Variants in PRKG2 observed in about 807,000 individuals in gnomAD.
PRKG2 encodes the protein protein kinase cGMP-dependent 2.
PRKG2 carries 33 observed loss-of-function variants against 97.2 expected under a neutral mutation model. The ratio of observed to expected loss-of-function variants is 0.34; its 90% CI spans 0.26 to 0.45. PRKG2 has a LOEUF of 0.45. Ranked by LOEUF, PRKG2 falls within the 20% of genes least tolerant of loss-of-function variation. The probability of loss-of-function intolerance (pLI) is 1.00; values close to 1 mark genes in which losing one functional copy is unlikely to be tolerated. For missense variants in PRKG2, 638 were observed against 900.0 expected, an observed-to-expected ratio of 0.71 and a Z score of 3.73; for synonymous variants, 330 against 321.8, an observed-to-expected ratio of 1.03 and a Z score of -0.27.
chr4:81,204,900 G>A lies in PRKG2; in HGVS notation c.148C>T (p.His50Tyr). 6.2e-7 allele frequency: 1 copy of A among 1,614,118 alleles called. No homozygotes were observed. Among genetic ancestry groups the A allele is most frequent in the Non-Finnish European group, 8.5e-7 (1 of 1,180,034 alleles). The part of the protein sequence containing the change: ...KDAEIQEREY[H>Y]LKELREQLSK... ...AGCTGCTCCCGCAGCTCCTTCAAATGGTACTCCCGCTCCTGGATCTCAGCA... is the reference window on the plus strand; with the variant it reads ...AGCTGCTCCCGCAGCTCCTTCAAATAGTACTCCCGCTCCTGGATCTCAGCA... The change falls in exon 2 of 19, where the codon CAT (histidine) becomes TAT (tyrosine). Residue 50 changes from histidine to tyrosine, a missense_variant. His to Tyr is a moderately conservative substitution (Grantham distance 83, BLOSUM62 2). Coordinates refer to ENST00000264399, the MANE Select transcript of PRKG2 (RefSeq NM_006259.3).
intron 17 of PRKG2, among the ~76,000 whole-genome samples, chr4:81,092,970 T>C (rs1022381926): frequency 6.6e-5 from 10 of 152,166 alleles, no homozygotes; most frequent in Non-Finnish European, 1.2e-4. Context: ...GCAAGACTGG[T>C]CGTTTATAGC....
intron 14 of PRKG2, among the ~76,000 whole-genome samples, chr4:81,119,146 T>C (rs770134414): frequency 1.4e-4 from 21 of 152,200 alleles, no homozygotes; most frequent in Non-Finnish European, 2.6e-4. Flanking sequence ...ATTTCTCTCA[T>C]GGATCTTGCC....
intron 13 of PRKG2, among the ~76,000 whole-genome samples, chr4:81,136,520 A>T (rs2110029838): frequency 6.6e-6 from 1 of 152,208 alleles, no homozygotes; most frequent in East Asian, 1.9e-4. Flanking sequence ...TGTTGCCCTT[A>T]ACTTCTACCC....
intron 14 of PRKG2, among the ~76,000 whole-genome samples, chr4:81,119,800 G>A (rs111366178): frequency 0.03 from 4,537 of 151,406 alleles, 221 homozygotes; most frequent in African/African-American, 0.1. Context: ...TCAGCCTCCC[G>A]AGTAGCTGGG....
intron 2 of PRKG2, among the ~76,000 whole-genome samples, chr4:81,179,763 T>C (rs1361624608): frequency 6.6e-6 from 1 of 152,142 alleles, no homozygotes; most frequent in Non-Finnish European, 1.5e-5. Flanking sequence ...TACTAATCTA[T>C]GTTAAAAGTT....
chr4:81,202,805 G>T (rs956365260), intron 2 of PRKG2, among the ~76,000 whole-genome samples: 1 of 151,920 alleles, frequency 6.6e-6, no homozygotes, highest in East Asian at 1.9e-4. Context: ...GCTTATCTCA[G>T]ATTTTTCAGC....
intron 14 of PRKG2, among the ~76,000 whole-genome samples, chr4:81,117,138 G>A (rs1298432169): frequency 4.6e-5 from 7 of 151,466 alleles, no homozygotes; most frequent in Admixed American, 1.3e-4. Context: ...AACTACAAGC[G>A]TGAACAACCA....
intron 17 of PRKG2, among the ~76,000 whole-genome samples, chr4:81,102,007 T>A (rs978653944): frequency 1.3e-5 from 2 of 152,152 alleles, no homozygotes; most frequent in Admixed American, 6.6e-5. Context: ...TAAAAAGCAC[T>A]ATGAAAATAG....
intron 14 of PRKG2, among the ~76,000 whole-genome samples, chr4:81,116,238 A>G (rs1744504710): frequency 3.3e-5 from 5 of 152,182 alleles, no homozygotes; most frequent in Admixed American, 6.6e-5. Flanking sequence ...CTTTGTGTCC[A>G]TATATACTCA....
At chr4:81,194,938 G>A (rs1442847781) in intron 2 of PRKG2, among the ~76,000 whole-genome samples, 4 of 135,886 alleles carry the variant, frequency 2.9e-5, no homozygotes, top group Non-Finnish European at 3.1e-5. Flanking sequence ...ATATATATAC[G>A]CACCTATAAT....
At chr4:81,194,236 C>T (rs1413564041) in intron 2 of PRKG2, among the ~76,000 whole-genome samples, 1 of 151,856 alleles carries the variant, frequency 6.6e-6, no homozygotes, top group African/African-American at 2.4e-5. Context: ...ATTAAGAAAC[C>T]CAAAGGACAT....
chr4:81,206,133 A>C (rs1753633166), intron 1 of PRKG2, among the ~76,000 whole-genome samples: 1 of 152,276 alleles, frequency 6.6e-6, no homozygotes, highest in Non-Finnish European at 1.5e-5. Context: ...GCAGACTCAC[A>C]AAAGTAGAAC....
rs766229697 is a variant in PRKG2, at chr4:81,089,791, T to C, written c.2206A>G (p.Ile736Val). Residue 736 changes from isoleucine (I) to valine (V), a missense_variant, in exon 19 of 19, where the codon ATA becomes GTA. Physicochemically the swap from Ile to Val is conservative, Grantham distance 29. Coordinates refer to ENST00000264399, the MANE Select transcript of PRKG2 (RefSeq NM_006259.3). ...TATTTGTCAAAGTAGCTGTGATCTATGGGTCCCTTGAGCTAATATAGAAAT... is the reference window on the plus strand; with the variant it reads ...TATTTGTCAAAGTAGCTGTGATCTACGGGTCCCTTGAGCTAATATAGAAAT... Reference protein sequence around the residue: ...SPLQRELKGPIDHSYFDKYPP... With the variant: ...SPLQRELKGPVDHSYFDKYPP... 5 of 1,607,474 alleles carry C rather than the reference T, an allele frequency of 3.1e-6. No homozygotes were observed. The African/African-American group carries it at 4.0e-5, about 13-fold the overall frequency.
In PRKG2 at chr4:81,099,426, A is replaced by G. The variant is rs569650586; in HGVS notation, c.2126+4944T>C. On this transcript the variant is annotated intron_variant, in intron 17 of 18. Transcript: ENST00000264399. ...GTTCAATATACGCAAATCAATAAACATAATCCAGCATATAAACAGAACCAA... is the reference window on the plus strand; with the variant it reads ...GTTCAATATACGCAAATCAATAAACGTAATCCAGCATATAAACAGAACCAA... Among the ~76,000 whole-genome samples the G allele has an allele frequency of 3.6e-4, 55 of 152,300 alleles. 1 individual carries two copies. In the East Asian group the frequency reaches 4.1e-3, roughly 11 times the overall value.
chr4:81,098,023 G>A (rs1162987187), intron 17 of PRKG2, among the ~76,000 whole-genome samples: 1 of 152,082 alleles, frequency 6.6e-6, no homozygotes, highest in Non-Finnish European at 1.5e-5. Context: ...ACTGATCTTG[G>A]GTGTGTTTGT....
At chr4:81,173,493 C>T (rs1215579195) in intron 3 of PRKG2, among the ~76,000 whole-genome samples, 1 of 151,998 alleles carries the variant, frequency 6.6e-6, no homozygotes, top group Non-Finnish European at 1.5e-5. Context: ...TCTAGTGTTG[C>T]TAAAGCAGAA....
Position 81,116,477 on chromosome 4 carries a change from T to C in PRKG2, c.1777-5866A>G, listed in dbSNP as rs143095344. 2.9e-3 allele frequency among the ~76,000 whole-genome samples: 447 copies of C among 152,272 alleles called. 2 individuals are homozygous for C. The highest frequency in any genetic ancestry group is 4.9e-3 in the Non-Finnish European group (332 of 68,000). ...GTTTTTGCTCTTGGGAATAGTGCTG[T>C]AATGAACATATGTGTGCATGTGTCT... On this transcript the variant is annotated intron_variant, in intron 14 of 18. Coordinates refer to ENST00000264399, the MANE Select transcript of PRKG2 (RefSeq NM_006259.3).
chr4:81,184,318 G>T (rs1751689390), intron 2 of PRKG2, among the ~76,000 whole-genome samples: 1 of 152,218 alleles, frequency 6.6e-6, no homozygotes, highest in Non-Finnish European at 1.5e-5. Flanking sequence ...AATCTTTGCT[G>T]TTCTGTAGAC....
intron 17 of PRKG2, among the ~76,000 whole-genome samples, chr4:81,095,339 T>C (rs1276092314): frequency 3.3e-5 from 5 of 152,200 alleles, no homozygotes; most frequent in Admixed American, 2.0e-4. Flanking sequence ...AGAAGTCCTC[T>C]CTTTGTTCTA....
Sources: gnomAD v4.1 joint callset for allele counts (sites outside exome capture counted in the v4.1 genomes callset) on GRCh38, gnomAD v4.1.1 for gene constraint, MANE v1.5 for transcripts, NCBI Gene and HGNC (gene_info 2026-07-23, HGNC 2026-07-21) for gene names.